Variants in C22orf39 observed in about 807,000 individuals in gnomAD.
The protein encoded by C22orf39 is chromosome 22 open reading frame 39, also known as synaptic plasticity regulator PANTS.
C22orf39 carries 20 observed loss-of-function variants against 18.3 expected under a neutral mutation model. That is an observed-to-expected ratio of 1.09 (90% CI 0.77 to 1.59). The LOEUF (loss-of-function observed/expected upper bound fraction) is 1.59, where lower values mean the gene tolerates loss of function less well. C22orf39 is among the 40% of genes most tolerant of loss of function. The pLI is 0.00. For missense variants in C22orf39, 195 were observed against 156.1 expected, an observed-to-expected ratio of 1.25 and a Z score of -1.33; for synonymous variants, 63 against 59.6, an observed-to-expected ratio of 1.06 and a Z score of -0.26.
rs2089613964 is a variant in C22orf39, at chr22:19,441,755, A to T, written c.*2510T>A. 3 of 1,505,472 alleles carry T rather than the reference A, an allele frequency of 2.0e-6. 1 individual carries two copies. The East Asian group carries it at 7.7e-5, about 38-fold the overall frequency. 93.3% of individuals were successfully genotyped at this position (1,505,472 alleles called of 1,614,324 possible). A position where few individuals can be genotyped will look rare whatever the true frequency, so the allele number is the denominator to read the frequency against. Reference sequence around the variant, plus strand: ...CAGTATTTGTTTTCTTCATACCACCACCATAAAATACCAAACTGCTTCAGA... The same window carrying T: ...CAGTATTTGTTTTCTTCATACCACCTCCATAAAATACCAAACTGCTTCAGA... On this transcript the variant is annotated 3_prime_UTR_variant, in exon 3 of 3. Coordinates refer to ENST00000399562, the MANE Select transcript of C22orf39 (RefSeq NM_173793.5).
intron 2 of C22orf39, among the ~76,000 whole-genome samples, chr22:19,446,227 C>CATATAT (rs935896566): frequency 5.9e-5 from 9 of 152,300 alleles, no homozygotes; most frequent in African/African-American, 2.2e-4. Context: ...TATACACACA[C>CATATAT]ACGCACATAT....
chr22:19,443,878 A>G lies in C22orf39; in HGVS notation c.*387T>C. On this transcript the variant is annotated 3_prime_UTR_variant, in exon 3 of 3. Transcript: ENST00000399562. ...GACATTCACAGTGGCACAACTGTTTAGCTACCTCATTATGACCCACCTGTG... is the reference window on the plus strand; with the variant it reads ...GACATTCACAGTGGCACAACTGTTTGGCTACCTCATTATGACCCACCTGTG... The G allele has an allele frequency of 1.0e-6, 1 of 997,172 alleles. No homozygotes were observed. The highest frequency in any genetic ancestry group is 1.2e-6 in the Non-Finnish European group (1 of 838,074). 61.8% of individuals were successfully genotyped at this position (997,172 alleles called of 1,614,324 possible).
At position 19,441,742 on chromosome 22, in the gene C22orf39, T is replaced by A; in HGVS notation, c.*2523A>T. ...ATTGCTCTTATTACAGTATTTGTTT[T>A]CTTCATACCACCACCATAAAATACC... On this transcript the variant is annotated 3_prime_UTR_variant, in exon 3 of 3. Transcript: ENST00000399562. The A allele has an allele frequency of 6.6e-7, 1 of 1,525,180 alleles. No homozygotes were observed. Among genetic ancestry groups the A allele is most frequent in the Non-Finnish European group, 8.8e-7 (1 of 1,135,688 alleles). 94.5% of individuals were successfully genotyped at this position (1,525,180 alleles called of 1,614,324 possible). A position where few individuals can be genotyped will look rare whatever the true frequency, so the allele number is the denominator to read the frequency against.
chr22:19,441,954 A>G lies in C22orf39; in HGVS notation c.*2311T>C, dbSNP rs2089615218. On this transcript the variant is annotated 3_prime_UTR_variant, in exon 3 of 3. Transcript: ENST00000399562. ...GAACTACAAATGCACGCCACCATGC[A>G]TAGCTCATTTATTTTTTGTAGAGAT... The G allele has an allele frequency of 8.2e-6, 3 of 365,436 alleles. No homozygotes were observed. In the South Asian group the frequency reaches 1.4e-4, roughly 17 times the overall value. The allele number at this position is 365,436 out of a possible 1,614,324, so 22.6% of individuals were successfully genotyped here.
At position 19,443,313 on chromosome 22, in the gene C22orf39, C is replaced by A; in HGVS notation, c.*952G>T. 1.0e-6 allele frequency: 1 copy of A among 985,438 alleles called. No homozygotes were observed. Among genetic ancestry groups the A allele is most frequent in the Non-Finnish European group, 1.2e-6 (1 of 829,918 alleles). 61.0% of individuals were successfully genotyped at this position (985,438 alleles called of 1,614,324 possible). ...AGCCCTCAGCATCACACAACAGGGC[C>A]ACCATAGGATGAGAAACCATTCTAT... On this transcript the variant is annotated 3_prime_UTR_variant, in exon 3 of 3. Coordinates refer to ENST00000399562, the MANE Select transcript of C22orf39 (RefSeq NM_173793.5).
intron 2 of C22orf39, among the ~76,000 whole-genome samples, chr22:19,446,529 G>A (rs934611553): frequency 6.6e-6 from 1 of 152,176 alleles, no homozygotes. Flanking sequence ...ACACTACAGT[G>A]TGGGTGCCAG....
intron 1 of C22orf39, 46 bp from the exon 2 acceptor site, chr22:19,447,591 T>C (rs1189857461): frequency 1.4e-6 from 2 of 1,451,486 alleles, no homozygotes; most frequent in African/African-American, 3.0e-5. Flanking sequence ...GGCCGCGCCC[T>C]ACGCCCCGAG....
At chr22:19,445,716 C>T (rs1388099539) in intron 2 of C22orf39, among the ~76,000 whole-genome samples, 1 of 152,070 alleles carries the variant, frequency 6.6e-6, no homozygotes, top group Non-Finnish European at 1.5e-5. Context: ...ACTCTGTTGC[C>T]CAGGCTGGAG....
intron 2 of C22orf39, 63 bp downstream of exon 2, chr22:19,447,315 G>A (rs2089646832): frequency 3.6e-6 from 5 of 1,380,324 alleles, no homozygotes; most frequent in South Asian, 1.6e-5. Context: ...GGGCGTGGAG[G>A]GGTGGGGAAA....
Position 19,443,191 on chromosome 22 carries a change from T to C in C22orf39, c.*1074A>G. On this transcript the variant is annotated 3_prime_UTR_variant, in exon 3 of 3. Coordinates refer to ENST00000399562, the MANE Select transcript of C22orf39 (RefSeq NM_173793.5). ...TTTAATGGACACCCTTCTAACGTGA[T>C]AGATTATTCTGCCCCAAAGAACAAA... 1 of 984,832 alleles carries C rather than the reference T, an allele frequency of 1.0e-6. No individual in the cohort carries two copies. The highest frequency in any genetic ancestry group is 1.2e-6 in the Non-Finnish European group (1 of 829,882). The allele number at this position is 984,832 out of a possible 1,614,324, so 61.0% of individuals were successfully genotyped here.
At position 19,440,944 on chromosome 22, in the gene C22orf39, G is replaced by A. The variant is rs2089609066; in HGVS notation, c.*3321C>T. On this transcript the variant is annotated 3_prime_UTR_variant, in exon 3 of 3. Coordinates refer to ENST00000399562, the MANE Select transcript of C22orf39 (RefSeq NM_173793.5). The stretch of plus-strand genomic sequence containing the variant: ...AGATTCACAGGAGGTTGCATAGGAG[G>A]TTGTCTAGGGAGGTCCTGGGTACCC... 6.6e-6 allele frequency: 1 copy of A among 152,182 alleles called. No individual in the cohort carries two copies. The highest frequency in any genetic ancestry group is 6.5e-5 in the Admixed American group (1 of 15,280). The allele number at this position is 152,182 out of a possible 1,614,324, so 9.4% of individuals were successfully genotyped here. A position where few individuals can be genotyped will look rare whatever the true frequency, so the allele number is the denominator to read the frequency against.
Position 19,444,175 on chromosome 22 carries a change from C to G in C22orf39, c.*90G>C. On this transcript the variant is annotated 3_prime_UTR_variant, in exon 3 of 3. Coordinates refer to ENST00000399562, the MANE Select transcript of C22orf39 (RefSeq NM_173793.5). Reference sequence around the variant, plus strand: ...CAAGAGCTCACAGGGACCCACCAGACTGTGTAGGCTGGTCACAGTCCCCAG... The same window carrying G: ...CAAGAGCTCACAGGGACCCACCAGAGTGTGTAGGCTGGTCACAGTCCCCAG... The G allele has an allele frequency of 6.9e-7, 1 of 1,440,214 alleles. No homozygotes were observed. 89.2% of individuals were successfully genotyped at this position (1,440,214 alleles called of 1,614,324 possible).
chr22:19,441,741 T>C lies in C22orf39; in HGVS notation c.*2524A>G, dbSNP rs2089613878. 1 of 1,533,248 alleles carries C rather than the reference T, an allele frequency of 6.5e-7. No homozygotes were observed. Among genetic ancestry groups the C allele is most frequent in the Non-Finnish European group, 8.8e-7 (1 of 1,139,236 alleles). The allele number at this position is 1,533,248 out of a possible 1,614,324, so 95.0% of individuals were successfully genotyped here. ...TATTGCTCTTATTACAGTATTTGTT[T>C]TCTTCATACCACCACCATAAAATAC... is the stretch of plus-strand genomic sequence containing the variant. On this transcript the variant is annotated 3_prime_UTR_variant, in exon 3 of 3. Coordinates refer to ENST00000399562, the MANE Select transcript of C22orf39 (RefSeq NM_173793.5).
chr22:19,445,727 T>A (rs952189667), intron 2 of C22orf39, among the ~76,000 whole-genome samples: 4 of 152,132 alleles, frequency 2.6e-5, no homozygotes, highest in African/African-American at 9.7e-5. Context: ...CAGGCTGGAG[T>A]GCAGTGACAC....
chr22:19,444,533 C>T, intron 2 of C22orf39, 143 bp from the exon 3 acceptor site: 1 of 756,884 alleles, frequency 1.3e-6, no homozygotes, highest in Non-Finnish European at 2.0e-6. Flanking sequence ...GCTGCTTCCA[C>T]CTACTATACC....
Position 19,447,441 on chromosome 22 carries a change from TTCGCAGGCCGGCCGC to T in C22orf39, c.114_128del (p.Arg39_Glu43del). The T allele has an allele frequency of 6.6e-7, 1 of 1,512,294 alleles. No individual in the cohort carries two copies. The highest frequency in any genetic ancestry group is 1.2e-5 in the South Asian group (1 of 81,300). The allele number at this position is 1,512,294 out of a possible 1,614,324, so 93.7% of individuals were successfully genotyped here. A position where few individuals can be genotyped will look rare whatever the true frequency, so the allele number is the denominator to read the frequency against. On this transcript the variant is annotated inframe_deletion, in exon 2 of 3. Transcript: ENST00000399562. ...AGCTGGCCAGGTCGCGCTGCCACTGTTCGCAGGCCGGCCGCTCGCCGTGGACGTAGTAGTGGTGTA... is the reference window on the plus strand; with the variant it reads ...AGCTGGCCAGGTCGCGCTGCCACTGTTCGCCGTGGACGTAGTAGTGGTGTA...
At chr22:19,445,553 C>G (rs1320759926) in intron 2 of C22orf39, among the ~76,000 whole-genome samples, 1 of 152,190 alleles carries the variant, frequency 6.6e-6, no homozygotes, top group Non-Finnish European at 1.5e-5. Context: ...TTTACATAAT[C>G]AGAACACCTG....
chr22:19,443,720 G>A lies in C22orf39; in HGVS notation c.*545C>T. The A allele has an allele frequency of 1.0e-6, 1 of 984,896 alleles. No homozygotes were observed. The highest frequency in any genetic ancestry group is 1.2e-6 in the Non-Finnish European group (1 of 829,884). The allele number at this position is 984,896 out of a possible 1,614,324, so 61.0% of individuals were successfully genotyped here. On this transcript the variant is annotated 3_prime_UTR_variant, in exon 3 of 3. Coordinates refer to ENST00000399562, the MANE Select transcript of C22orf39 (RefSeq NM_173793.5). Reference sequence around the variant, plus strand: ...GAAGTGAAGCCTGCTGGTGCAGAGGGGCCAGCAAGCCCTACCTGCTCGGCA... The same window carrying A: ...GAAGTGAAGCCTGCTGGTGCAGAGGAGCCAGCAAGCCCTACCTGCTCGGCA...
Position 19,443,063 on chromosome 22 carries a change from G to T in C22orf39, c.*1202C>A. 3.3e-6 allele frequency: 3 copies of T among 901,812 alleles called. No homozygotes were observed. Among genetic ancestry groups the T allele is most frequent in the Non-Finnish European group, 4.0e-6 (3 of 754,060 alleles). 55.9% of individuals were successfully genotyped at this position (901,812 alleles called of 1,614,324 possible). ...TCCTCTTTAGATGCTCCTGCTCTTG[G>T]GATCCCGTGAGCACAACCCCCACCC... is the stretch of plus-strand genomic sequence containing the variant. On this transcript the variant is annotated 3_prime_UTR_variant, in exon 3 of 3. Transcript: ENST00000399562.
Sources: gnomAD v4.1 joint callset for allele counts (sites outside exome capture counted in the v4.1 genomes callset) on GRCh38, gnomAD v4.1.1 for gene constraint, MANE v1.5 for transcripts, NCBI Gene and HGNC (gene_info 2026-07-23, HGNC 2026-07-21) for gene names.